BBX: variants seen among roughly 807,000 people sequenced by gnomAD.
BBX encodes the protein BBX high mobility group box domain containing, also known as HMG box transcription factor BBX.
A neutral mutation model predicts 100.2 loss-of-function variants in BBX; 30 were observed. The ratio of observed to expected loss-of-function variants is 0.30; its 90% CI spans 0.22 to 0.41. The LOEUF (loss-of-function observed/expected upper bound fraction) is 0.41, where lower values mean the gene tolerates loss of function less well. Ranked by LOEUF, BBX falls within the 10% of genes least tolerant of loss-of-function variation. The pLI is 1.00. For missense variants in BBX, 1,023 were observed against 1,129.8 expected (o/e 0.91, Z 1.35); for synonymous variants, 376 against 388.1 (o/e 0.97, Z 0.37).
intron 2 of BBX, among the ~76,000 whole-genome samples, chr3:107,610,315 A>T (rs2054748111): frequency 6.6e-6 from 1 of 152,034 alleles, no homozygotes; most frequent in Admixed American, 6.6e-5. Flanking sequence ...TGCTAAGGAG[A>T]AGAATGTGTA....
At chr3:107,749,174 T>A (rs886879804) in intron 9 of BBX, among the ~76,000 whole-genome samples, 3 of 152,214 alleles carry the variant, frequency 2.0e-5, no homozygotes, top group Admixed American at 1.3e-4. Flanking sequence ...AAGAATAATT[T>A]GCTTAATTAA....
intron 5 of BBX, among the ~76,000 whole-genome samples, chr3:107,724,511 G>C (rs563662134): frequency 2.0e-5 from 3 of 152,214 alleles, no homozygotes; most frequent in African/African-American, 7.2e-5. Context: ...CTATTGCCTA[G>C]GTTTTCTTCT....
chr3:107,655,704 ATTTTT>A (rs1271491849), intron 3 of BBX, among the ~76,000 whole-genome samples: 1 of 142,764 alleles, frequency 7.0e-6, no homozygotes, highest in Admixed American at 7.0e-5. Context: ...AATTTATTTT[ATTTTT>A]TTTTTTTTTG....
chr3:107,772,465 A>G (rs757647875), intron 10 of BBX, among the ~76,000 whole-genome samples, 163 bp from the exon 11 acceptor site: 2 of 152,224 alleles, frequency 1.3e-5, no homozygotes, highest in Non-Finnish European at 2.9e-5. Flanking sequence ...CCTTCTATCA[A>G]TTTGATTCAT....
intron 15 of BBX, among the ~76,000 whole-genome samples, chr3:107,797,835 G>A (rs926658430): frequency 3.9e-5 from 6 of 152,144 alleles, no homozygotes; most frequent in Non-Finnish European, 8.8e-5. Context: ...GTTACAATTA[G>A]GATACCTAAA....
At chr3:107,709,137 T>TAA (rs937853268) in intron 3 of BBX, among the ~76,000 whole-genome samples, 1 of 152,004 alleles carries the variant, frequency 6.6e-6, no homozygotes, top group African/African-American at 2.4e-5. Flanking sequence ...TATTTTTTTT[T>TAA]AAAAAAGAAG....
chr3:107,544,842 A>T (rs535635427), intron 2 of BBX, among the ~76,000 whole-genome samples: 4 of 108,694 alleles, frequency 3.7e-5, no homozygotes, highest in African/African-American at 1.3e-4. Context: ...TGTCTCTACT[A>T]AAAAAAAAAA....
intron 2 of BBX, among the ~76,000 whole-genome samples, chr3:107,618,449 T>A (rs1242346635): frequency 1.3e-5 from 2 of 151,992 alleles, no homozygotes; most frequent in African/African-American, 2.4e-5. Flanking sequence ...TTATGTTAGG[T>A]TTATTTTGAC....
chr3:107,757,938 C>G (rs1349716769), intron 10 of BBX, among the ~76,000 whole-genome samples: 1 of 152,132 alleles, frequency 6.6e-6, no homozygotes, highest in Non-Finnish European at 1.5e-5. Flanking sequence ...TTGGGCCACA[C>G]CCATCTCGGG....
At chr3:107,772,166 A>T (rs2066958050) in intron 10 of BBX, among the ~76,000 whole-genome samples, 1 of 152,208 alleles carries the variant, frequency 6.6e-6, no homozygotes, top group Admixed American at 6.5e-5. Flanking sequence ...AGCCTGTGCT[A>T]CAGTTAAGTA....
At chr3:107,625,951 A>AATAT (rs142538950) in intron 2 of BBX, among the ~76,000 whole-genome samples, 17 of 151,988 alleles carry the variant, frequency 1.1e-4, no homozygotes, top group Non-Finnish European at 2.5e-4. Flanking sequence ...TCATACATAT[A>AATAT]ATATATATAC....
rs748302046 is a variant in BBX, at chr3:107,773,474, C to T, written c.1753C>T (p.Pro585Ser). The change falls in exon 11 of 18, where the codon CCA becomes TCA. Residue 585 changes from proline to serine, a missense_variant. This residue lies in a region of BBX where 348 missense variants were observed against 353.2 expected (regional missense o/e 0.99). Coordinates refer to ENST00000325805, the MANE Select transcript of BBX (RefSeq NM_001142568.3). The surrounding 1 kb of genome is among the most constrained non-coding windows in gnomAD (Gnocchi z 4.1). ...EPLTPMEDALPPSLSGQAKPE... is the reference protein window; with the variant it reads ...EPLTPMEDALSPSLSGQAKPE... ...ATTGACCCCTATGGAAGATGCACTA[C>T]CACCCAGCCTATCAGGACAGGCCAA... is the stretch of plus-strand genomic sequence containing the variant. The T allele has an allele frequency of 1.9e-6, 3 of 1,614,110 alleles. No homozygotes were observed. The highest frequency in any genetic ancestry group is 2.2e-5 in the South Asian group (2 of 91,084).
chr3:107,556,268 A>G (rs566229855), intron 2 of BBX, among the ~76,000 whole-genome samples: 22 of 152,348 alleles, frequency 1.4e-4, no homozygotes, highest in Non-Finnish European at 2.1e-4. Context: ...CTGTGATTCA[A>G]TAGATGTTTA....
intron 2 of BBX, among the ~76,000 whole-genome samples, chr3:107,573,592 G>T (rs1207217599): frequency 6.6e-6 from 1 of 152,140 alleles, no homozygotes; most frequent in Non-Finnish European, 1.5e-5. Context: ...AACAGTGTTT[G>T]TTAACATGTT....
rs2050975282 is a variant in BBX, at chr3:107,567,093, ATTTC to A, written c.-84+40698_-84+40701del. On this transcript the variant is annotated intron_variant, in intron 2 of 17. Transcript: ENST00000325805. The stretch of plus-strand genomic sequence containing the variant: ...AATTTTTTTTGTCTGTTATTTCATT[ATTTC>A]TTATGTTACTGTATTTAGGTTAGTG... Among the ~76,000 whole-genome samples the A allele has an allele frequency of 1.1e-4, 16 of 152,164 alleles. No homozygotes were observed. In the South Asian group the frequency reaches 3.3e-3, roughly 32 times the overall value.
chr3:107,724,206 C>T (rs2062750211), intron 5 of BBX, among the ~76,000 whole-genome samples: 4 of 152,154 alleles, frequency 2.6e-5, no homozygotes, highest in African/African-American at 9.7e-5. Context: ...GCATAAATGT[C>T]TTCTTTTGAG....
intron 2 of BBX, among the ~76,000 whole-genome samples, chr3:107,586,652 T>A (rs2052861909): frequency 6.6e-6 from 1 of 152,198 alleles, no homozygotes; most frequent in South Asian, 2.1e-4. Flanking sequence ...CACAGAGTTG[T>A]CTGTGGATTT....
intron 3 of BBX, among the ~76,000 whole-genome samples, chr3:107,693,494 A>G (rs1373846367): frequency 6.6e-6 from 1 of 151,270 alleles, no homozygotes; most frequent in Non-Finnish European, 1.5e-5. Flanking sequence ...GGTTTGTCAA[A>G]GATCAGATAG....
chr3:107,533,888 G>A (rs565507439), intron 2 of BBX, among the ~76,000 whole-genome samples: 14 of 152,190 alleles, frequency 9.2e-5, no homozygotes, highest in African/African-American at 2.9e-4. Flanking sequence ...TCTGTTCTCA[G>A]ATGAGAATGT....
Sources: allele counts gnomAD v4.1 joint callset (sites outside exome capture counted in the v4.1 genomes callset), GRCh38; gene constraint gnomAD v4.1.1; regional missense constraint gnomAD v4.1.1; non-coding constraint Gnocchi (gnomAD v3.1); transcripts MANE v1.5; gene names NCBI Gene and HGNC (gene_info 2026-07-23, HGNC 2026-07-21).